CFAP263: variants seen among roughly 807,000 people sequenced by gnomAD.
The protein encoded by CFAP263 is cilia- and flagella-associated protein 263.
the CFAP263 span, among the ~76,000 whole-genome samples, chr16:58,266,861 A>G: frequency 6.6e-6 from 1 of 152,162 alleles, no homozygotes; most frequent in Non-Finnish European, 1.5e-5. Flanking sequence ...TAAAACTAGC[A>G]GGTCCGGCCT....
chr16:58,262,536 A>G, the CFAP263 span: 1 of 1,602,676 alleles, frequency 6.2e-7, no homozygotes, highest in Non-Finnish European at 8.5e-7. Flanking sequence ...CTCAATGCCT[A>G]CAAAGTAAGG....
chr16:58,263,112 C>T, the CFAP263 span, among the ~76,000 whole-genome samples: 1 of 152,178 alleles, frequency 6.6e-6, no homozygotes, highest in Non-Finnish European at 1.5e-5. Context: ...AGACTATAGG[C>T]ACACAAAGGG....
chr16:58,264,281 A>C, the CFAP263 span, among the ~76,000 whole-genome samples: 1 of 152,168 alleles, frequency 6.6e-6, no homozygotes, highest in Non-Finnish European at 1.5e-5. Context: ...GGAATCAGTT[A>C]AGCAGCACAG....
the CFAP263 span, chr16:58,280,159 C>T: frequency 9.6e-5 from 143 of 1,487,988 alleles, no homozygotes; most frequent in Admixed American, 1.3e-3. Context: ...ATCAAAACAG[C>T]ATGGTGAATG....
At chr16:58,279,945 A>T in the CFAP263 span, 1 of 638,162 alleles carries the variant, frequency 1.6e-6, no homozygotes, top group Non-Finnish European at 2.7e-6. Flanking sequence ...GAGTGTTTTC[A>T]CAGCCTGGCC....
chr16:58,258,239 T>C, the CFAP263 span: 4 of 719,318 alleles, frequency 5.6e-6, no homozygotes, highest in African/African-American at 3.5e-5. Context: ...CTTAAGGATA[T>C]GTTCCTAAGA....
the CFAP263 span, chr16:58,258,508 C>T: frequency 6.2e-7 from 1 of 1,613,804 alleles, no homozygotes; most frequent in Non-Finnish European, 8.5e-7. Flanking sequence ...ACATTGAGGA[C>T]ATGAACCGCC....
the CFAP263 span, among the ~76,000 whole-genome samples, chr16:58,277,938 G>T: frequency 6.6e-6 from 1 of 152,066 alleles, no homozygotes; most frequent in Non-Finnish European, 1.5e-5. Flanking sequence ...GGAAGGAGGA[G>T]TGATTGTATA....
chr16:58,258,525 T>C, the CFAP263 span: 1 of 1,612,832 alleles, frequency 6.2e-7, no homozygotes, highest in Middle Eastern at 1.7e-4. Flanking sequence ...CGCCGGAGGG[T>C]AAGTTGGCAG....
the CFAP263 span, chr16:58,280,049 C>T: frequency 1.5e-6 from 1 of 671,484 alleles, no homozygotes; most frequent in Admixed American, 2.9e-5. Context: ...TGAAAGTGAC[C>T]TTCCCACACC....
At chr16:58,271,024 A>T in the CFAP263 span, among the ~76,000 whole-genome samples, 1 of 152,140 alleles carries the variant, frequency 6.6e-6, no homozygotes, top group African/African-American at 2.4e-5. Context: ...ATGTATTTTT[A>T]TACATTTGAT....
the CFAP263 span, among the ~76,000 whole-genome samples, chr16:58,276,552 T>G: frequency 6.6e-6 from 1 of 152,224 alleles, no homozygotes; most frequent in East Asian, 1.9e-4. Flanking sequence ...ACCCCTCTAA[T>G]TCCCACAAAA....
chr16:58,279,947 A>G, the CFAP263 span: 1 of 634,678 alleles, frequency 1.6e-6, no homozygotes, highest in Non-Finnish European at 2.7e-6. Flanking sequence ...GTGTTTTCAC[A>G]GCCTGGCCCC....
At chr16:58,264,408 A>G in the CFAP263 span, among the ~76,000 whole-genome samples, 1 of 152,224 alleles carries the variant, frequency 6.6e-6, no homozygotes, top group Non-Finnish European at 1.5e-5. Context: ...CTAAACACAC[A>G]GTGCAGATTG....
the CFAP263 span, chr16:58,253,915 C>T: frequency 1.4e-6 from 2 of 1,475,630 alleles, no homozygotes; most frequent in South Asian, 2.4e-5. Context: ...TCTAGCAGGT[C>T]AGAGGATCAT....
At chr16:58,256,598 A>G in the CFAP263 span, among the ~76,000 whole-genome samples, 1 of 152,202 alleles carries the variant, frequency 6.6e-6, no homozygotes, top group Non-Finnish European at 1.5e-5. Context: ...AGCCATGCCA[A>G]GGAGTTTATC....
the CFAP263 span, among the ~76,000 whole-genome samples, chr16:58,278,251 T>G: frequency 8.0e-5 from 10 of 125,474 alleles, no homozygotes; most frequent in Non-Finnish European, 1.8e-4. Context: ...AGAAAAGGAA[T>G]GAAAGAAACA....
chr16:58,262,427 C>T, the CFAP263 span: 2 of 1,612,808 alleles, frequency 1.2e-6, no homozygotes, highest in South Asian at 2.2e-5. Context: ...TGATTTTCAG[C>T]AGTTGAAGAT....
the CFAP263 span, chr16:58,267,448 G>A: frequency 6.8e-7 from 1 of 1,479,830 alleles, no homozygotes; most frequent in Non-Finnish European, 9.4e-7. Context: ...GGTCATCTTA[G>A]CTCAAGACTT....
Sources: gnomAD v4.1 joint callset for allele counts (sites outside exome capture counted in the v4.1 genomes callset) on GRCh38, gnomAD v4.1.1 for gene constraint, MANE v1.5 for transcripts, NCBI Gene and HGNC (gene_info 2026-07-23, HGNC 2026-07-21) for gene names.